HYAL4: variants seen among roughly 807,000 people sequenced by gnomAD.
HYAL4 encodes the protein hyaluronidase-4.
Under a neutral mutation model 35.2 loss-of-function variants are expected in HYAL4, and 37 were observed. The observed-to-expected ratio is 1.05, with a 90% CI of 0.81 to 1.38. The LOEUF (loss-of-function observed/expected upper bound fraction) is 1.38, where lower values mean the gene tolerates loss of function less well. Among genes scored for constraint, HYAL4 ranks in the 40% most tolerant of loss-of-function variants. HYAL4 has a pLI of 0.00. For synonymous variants in HYAL4, 198 were observed against 203.2 expected, an observed-to-expected ratio of 0.97 and a Z score of 0.22; for missense variants, 572 against 572.4, an observed-to-expected ratio of 1.00 and a Z score of 0.01.
At chr7:123,774,537 T>A in the HYAL4 span, among the ~76,000 whole-genome samples, 52,200 of 152,024 alleles carry the variant, frequency 0.34, 9,229 homozygotes, top group Middle Eastern at 0.44. Context: ...GGCAACTGCT[T>A]ATTAATGGAT....
the HYAL4 span, among the ~76,000 whole-genome samples, chr7:123,795,715 A>T: frequency 1.3e-5 from 2 of 152,196 alleles, no homozygotes; most frequent in African/African-American, 4.8e-5. Flanking sequence ...TTTCCTTTAT[A>T]AATTACCCAG....
chr7:123,850,064 A>G (rs1485024126), intron 2 of HYAL4, among the ~76,000 whole-genome samples: 1 of 151,388 alleles, frequency 6.6e-6, no homozygotes, highest in South Asian at 2.1e-4. Context: ...TTCTTCCAAT[A>G]AGTGTGACAC....
the HYAL4 span, among the ~76,000 whole-genome samples, chr7:123,775,072 A>G: frequency 6.6e-6 from 1 of 152,196 alleles, no homozygotes; most frequent in Admixed American, 6.5e-5. Flanking sequence ...GTAGGTGCTA[A>G]GTAAGCACTT....
At chr7:123,802,189 A>T in the HYAL4 span, among the ~76,000 whole-genome samples, 1 of 152,194 alleles carries the variant, frequency 6.6e-6, no homozygotes, top group South Asian at 2.1e-4. Context: ...TTCTGATATT[A>T]TATAAAAAGG....
At chr7:123,782,640 G>T in the HYAL4 span, among the ~76,000 whole-genome samples, 1 of 151,982 alleles carries the variant, frequency 6.6e-6, no homozygotes, top group African/African-American at 2.4e-5. Context: ...ACTTTCAAAA[G>T]TGTTTCAGTA....
the HYAL4 span, among the ~76,000 whole-genome samples, chr7:123,782,082 C>T: frequency 6.6e-6 from 1 of 150,880 alleles, no homozygotes; most frequent in Admixed American, 6.6e-5. Flanking sequence ...ATATGCTTCC[C>T]CTGCCTCTGC....
rs1158848850 is a variant in HYAL4, at chr7:123,845,281, TCACTGCAAC to T, written c.-519_-511del. The T allele has an allele frequency of 7.1e-6, 1 of 141,780 alleles. No homozygotes were observed. The highest frequency in any genetic ancestry group is 2.6e-5 in the African/African-American group (1 of 37,848). The allele number at this position is 141,780 out of a possible 1,614,324, so 8.8% of individuals were successfully genotyped here. On this transcript the variant is annotated 5_prime_UTR_variant, in exon 1 of 5. Transcript: ENST00000223026. Reference sequence around the variant, plus strand: ...TAGAGTGTAGTGGTGTGATCTCGGCTCACTGCAACCACTGCCTCCTGGGTTCAAGTGATT... The same window carrying T: ...TAGAGTGTAGTGGTGTGATCTCGGCTCACTGCCTCCTGGGTTCAAGTGATT...
chr7:123,800,850 G>A, the HYAL4 span, among the ~76,000 whole-genome samples: 1 of 151,546 alleles, frequency 6.6e-6, no homozygotes, highest in East Asian at 2.0e-4. Context: ...TAGCAGAGAC[G>A]GGGTTTTACC....
At chr7:123,763,865 C>T in the HYAL4 span, among the ~76,000 whole-genome samples, 3 of 152,266 alleles carry the variant, frequency 2.0e-5, no homozygotes, top group Admixed American at 6.5e-5. Context: ...TACACTCTGT[C>T]AGTACTTGTA....
the HYAL4 span, chr7:123,819,247 C>G: frequency 1.3e-5 from 2 of 152,526 alleles, no homozygotes; most frequent in African/African-American, 4.8e-5. Flanking sequence ...TTAACGTGTT[C>G]CTTACCACAG....
At chr7:123,767,586 A>G in the HYAL4 span, among the ~76,000 whole-genome samples, 1 of 152,228 alleles carries the variant, frequency 6.6e-6, no homozygotes, top group Non-Finnish European at 1.5e-5. Flanking sequence ...GGACAAAACA[A>G]ATAAAAAAAA....
chr7:123,833,055 A>C (rs1179935458), intron 1 of HYAL4, among the ~76,000 whole-genome samples: 7 of 152,066 alleles, frequency 4.6e-5, no homozygotes, highest in African/African-American at 1.7e-4. Flanking sequence ...TGCTCCTCTA[A>C]ACATGCATGT....
At chr7:123,771,282 T>G in the HYAL4 span, among the ~76,000 whole-genome samples, 52 of 152,236 alleles carry the variant, frequency 3.4e-4, no homozygotes, top group African/African-American at 1.2e-3. Context: ...TTCCTCACTA[T>G]TCACTGATTC....
chr7:123,839,065 C>A (rs539129193), intron 1 of HYAL4, among the ~76,000 whole-genome samples: 2 of 151,914 alleles, frequency 1.3e-5, no homozygotes, highest in African/African-American at 2.4e-5. Flanking sequence ...TATACATGTG[C>A]CATGTTGGTT....
chr7:123,854,916 G>A (rs1420382182), intron 2 of HYAL4, among the ~76,000 whole-genome samples: 2 of 152,148 alleles, frequency 1.3e-5, no homozygotes, highest in African/African-American at 4.8e-5. Flanking sequence ...TGTATTGGGT[G>A]CATATATATT....
chr7:123,858,684 T>C (rs1806513096), intron 2 of HYAL4, among the ~76,000 whole-genome samples: 1 of 152,212 alleles, frequency 6.6e-6, no homozygotes, highest in Non-Finnish European at 1.5e-5. Context: ...ATCAATACTA[T>C]GTTTAGATAT....
chr7:123,845,931 A>G (rs1304332946), intron 1 of HYAL4, among the ~76,000 whole-genome samples: 1 of 152,144 alleles, frequency 6.6e-6, no homozygotes. Flanking sequence ...TTCTGTATCT[A>G]GCCACCTAGC....
chr7:123,829,912 A>T (rs1471578757), intron 1 of HYAL4, among the ~76,000 whole-genome samples: 1 of 152,180 alleles, frequency 6.6e-6, no homozygotes, highest in African/African-American at 2.4e-5. Context: ...AATAACAATG[A>T]GGGGTAAAAT....
At chr7:123,847,025 T>C (rs1806188491) in intron 1 of HYAL4, among the ~76,000 whole-genome samples, 1 of 152,154 alleles carries the variant, frequency 6.6e-6, no homozygotes, top group Non-Finnish European at 1.5e-5. Flanking sequence ...TCCGCTTCCT[T>C]CAGATGGTCT....
Sources: gnomAD v4.1 joint callset for allele counts (sites outside exome capture counted in the v4.1 genomes callset) on GRCh38, gnomAD v4.1.1 for gene constraint, MANE v1.5 for transcripts, NCBI Gene and HGNC (gene_info 2026-07-23, HGNC 2026-07-21) for gene names.